The following ARHGAP24 variants were observed in gnomAD, a reference collection of about 807,000 sequenced individuals.
The protein encoded by ARHGAP24 is rho GTPase-activating protein 24.
ARHGAP24 carries 50 observed loss-of-function variants against 76.4 expected under a neutral mutation model. The observed-to-expected ratio is 0.65, with a 90% CI of 0.52 to 0.83. The LOEUF is 0.83. Among genes scored for constraint, ARHGAP24 ranks in the 40% least tolerant of loss-of-function variants. The pLI is 0.00. For missense variants in ARHGAP24, 930 were observed against 914.2 expected, an observed-to-expected ratio of 1.02 and a Z score of -0.22; for synonymous variants, 345 against 323.3, an observed-to-expected ratio of 1.07 and a Z score of -0.72.
chr4:85,869,176 A>G (rs982206588), intron 3 of ARHGAP24, among the ~76,000 whole-genome samples: 1 of 152,126 alleles, frequency 6.6e-6, no homozygotes, highest in African/African-American at 2.4e-5. Context: ...GTTGAAAATA[A>G]TAGAGGGTTT....
At chr4:85,703,174 C>T (rs1724162872) in intron 2 of ARHGAP24, among the ~76,000 whole-genome samples, 1 of 152,112 alleles carries the variant, frequency 6.6e-6, no homozygotes. Flanking sequence ...TTAAAAGTTG[C>T]CTGGTCACCA....
intron 2 of ARHGAP24, among the ~76,000 whole-genome samples, chr4:85,592,188 A>G (rs1281075278): frequency 6.6e-6 from 1 of 152,214 alleles, no homozygotes; most frequent in Non-Finnish European, 1.5e-5. Flanking sequence ...CATAGTAGAA[A>G]TATAGATTTA....
chr4:85,503,834 GC>G (rs1278566118), intron 1 of ARHGAP24, among the ~76,000 whole-genome samples: 1 of 152,162 alleles, frequency 6.6e-6, no homozygotes, highest in Admixed American at 6.5e-5. Context: ...GATCGTTCCT[GC>G]TTTCTCTTGT....
chr4:85,526,514 T>TAC (rs1267035721), intron 1 of ARHGAP24, among the ~76,000 whole-genome samples: 3 of 152,078 alleles, frequency 2.0e-5, no homozygotes, highest in Non-Finnish European at 4.4e-5. Context: ...GGGTGTTATA[T>TAC]ACTAATGGTA....
At chr4:85,596,558 G>T (rs1053380529) in intron 2 of ARHGAP24, among the ~76,000 whole-genome samples, 2 of 146,132 alleles carry the variant, frequency 1.4e-5, no homozygotes, top group Middle Eastern at 3.2e-3. Context: ...AGATGCCAGT[G>T]GTTATGAAAA....
At chr4:85,724,429 G>A (rs1285121646) in intron 3 of ARHGAP24, among the ~76,000 whole-genome samples, 1 of 151,186 alleles carries the variant, frequency 6.6e-6, no homozygotes, top group Non-Finnish European at 1.5e-5. Context: ...ACATTTGTGT[G>A]TGTGTTACGA....
At chr4:85,972,555 T>C (rs1012578270) in intron 6 of ARHGAP24, among the ~76,000 whole-genome samples, 4 of 152,214 alleles carry the variant, frequency 2.6e-5, no homozygotes, top group African/African-American at 9.6e-5. Context: ...GCTATTTCTT[T>C]AAACAGCTTT....
chr4:85,772,109 G>A (rs760164794), intron 3 of ARHGAP24, among the ~76,000 whole-genome samples: 2 of 152,160 alleles, frequency 1.3e-5, no homozygotes, highest in South Asian at 2.1e-4. Flanking sequence ...TGACTATTGA[G>A]CAATGTGTCC....
At chr4:85,522,953 G>A (rs1174616061) in intron 1 of ARHGAP24, among the ~76,000 whole-genome samples, 1 of 152,026 alleles carries the variant, frequency 6.6e-6, no homozygotes, top group South Asian at 2.1e-4. Flanking sequence ...CTTTTTGTCT[G>A]ATGTGTGTAT....
intron 8 of ARHGAP24, among the ~76,000 whole-genome samples, chr4:85,979,565 T>C (rs539860345): frequency 6.6e-6 from 1 of 152,300 alleles, no homozygotes; most frequent in African/African-American, 2.4e-5. Context: ...GTACCTCATA[T>C]ACCTGTTATA....
At chr4:85,567,700 T>C (rs1404134990) in intron 1 of ARHGAP24, among the ~76,000 whole-genome samples, 2 of 152,178 alleles carry the variant, frequency 1.3e-5, no homozygotes, top group Non-Finnish European at 2.9e-5. Context: ...GATGATAGAT[T>C]TCAGAGTGCT....
At chr4:85,983,581 A>G (rs541003608) in intron 8 of ARHGAP24, among the ~76,000 whole-genome samples, 1 of 152,380 alleles carries the variant, frequency 6.6e-6, no homozygotes, top group Admixed American at 6.5e-5. Flanking sequence ...TCTCAAAAGA[A>G]GATATTTATG....
chr4:85,508,836 C>T (rs559474856), intron 1 of ARHGAP24, among the ~76,000 whole-genome samples: 28 of 152,208 alleles, frequency 1.8e-4, no homozygotes, highest in African/African-American at 6.7e-4. Flanking sequence ...AACCTATAGG[C>T]CTAGTCTTCC....
rs184398130 is a variant in ARHGAP24 at position 85,798,272 on chromosome 4, A to G, written c.268+76300A>G. 2.7e-3 allele frequency among the ~76,000 whole-genome samples: 416 copies of G among 152,344 alleles called. 2 individuals are homozygous for G. Among genetic ancestry groups the G allele is most frequent in the Admixed American group, 5.4e-3 (83 of 15,304 alleles). ...AACCCAAGGCATTATGCTCAGTGAA[A>G]AGCATATCTCAAATGGCAACCTACA... On this transcript the variant is annotated intron_variant, in intron 3 of 9. Transcript: ENST00000395184.
chr4:85,635,193 G>A (rs1435699550), intron 2 of ARHGAP24, among the ~76,000 whole-genome samples: 1 of 151,722 alleles, frequency 6.6e-6, no homozygotes, highest in Non-Finnish European at 1.5e-5. Context: ...AACTTTGTTG[G>A]GGAAAATGGA....
At chr4:85,808,678 A>G (rs1331621427) in intron 3 of ARHGAP24, among the ~76,000 whole-genome samples, 8 of 152,290 alleles carry the variant, frequency 5.3e-5, no homozygotes, top group African/African-American at 9.6e-5. Flanking sequence ...TCTAGAATTA[A>G]AGAAAGTTGG....
intron 5 of ARHGAP24, among the ~76,000 whole-genome samples, chr4:85,952,063 C>T (rs1185034059): frequency 6.6e-6 from 1 of 151,776 alleles, no homozygotes; most frequent in South Asian, 2.1e-4. Flanking sequence ...TGGAAGAATA[C>T]AAGAAGGAAA....
chr4:85,534,545 G>A (rs1184809416), intron 1 of ARHGAP24, among the ~76,000 whole-genome samples: 5 of 152,100 alleles, frequency 3.3e-5, no homozygotes, highest in East Asian at 1.9e-4. Flanking sequence ...TGGGGGAGAA[G>A]GCAGTTGGAG....
intron 3 of ARHGAP24, among the ~76,000 whole-genome samples, chr4:85,762,002 A>G (rs1169400584): frequency 6.6e-6 from 1 of 152,148 alleles, no homozygotes; most frequent in Non-Finnish European, 1.5e-5. Flanking sequence ...CAGCCTTTAT[A>G]TTGACTTTTT....
Sources: gnomAD v4.1 joint callset for allele counts (sites outside exome capture counted in the v4.1 genomes callset) on GRCh38, gnomAD v4.1.1 for gene constraint, MANE v1.5 for transcripts, NCBI Gene and HGNC (gene_info 2026-07-23, HGNC 2026-07-21) for gene names.